ZBTB7C: variants seen among roughly 807,000 people sequenced by gnomAD.
The protein encoded by ZBTB7C is zinc finger and BTB domain-containing protein 7C.
In ZBTB7C, 8 loss-of-function variants were observed where a neutral mutation model predicts 25.7. The ratio of observed to expected loss-of-function variants is 0.31; its 90% CI spans 0.18 to 0.56. The LOEUF is 0.56. Among genes scored for constraint, ZBTB7C ranks in the 20% least tolerant of loss-of-function variants. The pLI is 0.91. For missense variants in ZBTB7C, 824 were observed against 855.2 expected (o/e 0.96, Z 0.46); for synonymous variants, 394 against 369.0 (o/e 1.07, Z -0.78).
rs140877076 is a variant in ZBTB7C, at chr18:48,123,424, G to A, written c.-17+62510C>T. On this transcript the variant is annotated intron_variant, in intron 3 of 4. Transcript: ENST00000590800. ...CCCAAAGTCACGCCTTCCAAGAACC[G>A]CACATTCAGCGACTATGCAGGGCGT... Among the ~76,000 whole-genome samples, 37 of 152,328 alleles carry A rather than the reference G, an allele frequency of 2.4e-4. No individual in the cohort carries two copies. The East Asian group carries it at 5.6e-3, about 23-fold the overall frequency.
At chr18:48,264,345 GAAAC>G (rs1469437866) in intron 2 of ZBTB7C, among the ~76,000 whole-genome samples, 1 of 152,064 alleles carries the variant, frequency 6.6e-6, no homozygotes, top group African/African-American at 2.4e-5. Flanking sequence ...AAATCAGAGA[GAAAC>G]AAAGAAAGGA....
intron 3 of ZBTB7C, among the ~76,000 whole-genome samples, chr18:48,115,552 TACAC>T (rs1011375874): frequency 1.3e-5 from 2 of 151,802 alleles, no homozygotes; most frequent in South Asian, 2.1e-4. Flanking sequence ...GAGTGACCTT[TACAC>T]ACACACACAC....
chr18:48,309,853 A>G (rs1021477266), intron 2 of ZBTB7C, among the ~76,000 whole-genome samples: 2 of 152,230 alleles, frequency 1.3e-5, no homozygotes, highest in African/African-American at 4.8e-5. Context: ...TTTCTCCCCT[A>G]GGAAATGGTA....
chr18:48,360,748 G>T (rs1012975341), intron 1 of ZBTB7C, among the ~76,000 whole-genome samples: 1 of 152,116 alleles, frequency 6.6e-6, no homozygotes, highest in Non-Finnish European at 1.5e-5. Context: ...GGAAGGAAGA[G>T]TGTGGAGGAG....
At chr18:48,196,437 G>A (rs2042319429) in intron 2 of ZBTB7C, among the ~76,000 whole-genome samples, 1 of 152,170 alleles carries the variant, frequency 6.6e-6, no homozygotes, top group Non-Finnish European at 1.5e-5. Flanking sequence ...TCTTACAGAG[G>A]TGAGTTTCTA....
chr18:48,040,558 T>C lies in ZBTB7C; in HGVS notation c.550A>G (p.Ser184Gly). The C allele has an allele frequency of 6.2e-7, 1 of 1,614,064 alleles. No homozygotes were observed. Among genetic ancestry groups the C allele is most frequent in the Non-Finnish European group, 8.5e-7 (1 of 1,179,984 alleles). The stretch of plus-strand genomic sequence containing the variant: ...GTCTTGGAAGGGCTTTGGTGGCAGC[T>C]GATGTCCTGGGGGTCAGGCAAGTTT... ...QENLPDPQDI[S>G]CHQSPSKTDH... The change falls in exon 4 of 5, where the codon AGC (serine) becomes GGC (glycine). Residue 184 changes from serine (S) to glycine (G), a missense_variant. Transcript: ENST00000590800.
intron 1 of ZBTB7C, among the ~76,000 whole-genome samples, chr18:48,389,385 A>AT (rs1386841815): frequency 7.2e-6 from 1 of 139,208 alleles, no homozygotes; most frequent in Non-Finnish European, 1.6e-5. Context: ...AAAAAAAAAA[A>AT]GTGGATTCAA....
At chr18:48,167,605 T>TGTGTGC (rs199586468) in intron 3 of ZBTB7C, among the ~76,000 whole-genome samples, 8 of 149,748 alleles carry the variant, frequency 5.3e-5, no homozygotes, top group African/African-American at 1.7e-4. Context: ...TGTGCGCGCG[T>TGTGTGC]GCACACGCGC....
intron 3 of ZBTB7C, chr18:48,077,092 C>G (rs1172676411): frequency 1.4e-6 from 1 of 740,494 alleles, no homozygotes; most frequent in African/African-American, 1.9e-5. Flanking sequence ...ATTTCCTCCT[C>G]TATGATTTTT....
intron 1 of ZBTB7C, among the ~76,000 whole-genome samples, chr18:48,340,249 G>A (rs2046566100): frequency 6.6e-6 from 1 of 152,160 alleles, no homozygotes; most frequent in Admixed American, 6.5e-5. Flanking sequence ...ACCTCCTTCT[G>A]GAACAAGTAA....
intron 1 of ZBTB7C, among the ~76,000 whole-genome samples, chr18:48,379,232 T>G (rs117633329): frequency 1.3e-5 from 2 of 152,326 alleles, no homozygotes; most frequent in Non-Finnish European, 2.9e-5. Context: ...TCTATTCTTT[T>G]GCTAATACCA....
rs566055990 is a variant in ZBTB7C at position 48,187,490 on chromosome 18, A to G, written c.-78-1495T>C. The stretch of plus-strand genomic sequence containing the variant: ...AATACTGTATGATTCCACTTATATG[A>G]GGTACCTAGAGAAGTCAAATCCATA... On this transcript the variant is annotated intron_variant, in intron 2 of 4. Transcript: ENST00000590800. Among the ~76,000 whole-genome samples the G allele has an allele frequency of 1.4e-4, 21 of 152,280 alleles. No homozygotes were observed. In the South Asian group the frequency reaches 1.9e-3, roughly 14 times the overall value.
chr18:48,244,821 C>T (rs2043628759), intron 2 of ZBTB7C, among the ~76,000 whole-genome samples: 1 of 151,938 alleles, frequency 6.6e-6, no homozygotes, highest in Non-Finnish European at 1.5e-5. Flanking sequence ...TGAAAAGGAA[C>T]ATCTTTACAC....
intron 2 of ZBTB7C, among the ~76,000 whole-genome samples, chr18:48,334,926 C>T (rs1397055688): frequency 6.6e-6 from 1 of 152,188 alleles, no homozygotes; most frequent in African/African-American, 2.4e-5. Flanking sequence ...GCAACCCTCA[C>T]TCCACTGGAG....
chr18:48,248,081 G>A (rs573432220), intron 2 of ZBTB7C, among the ~76,000 whole-genome samples: 38 of 152,168 alleles, frequency 2.5e-4, no homozygotes, highest in Non-Finnish European at 4.6e-4. Context: ...CATGTAAGAC[G>A]TTGACTTTGC....
chr18:48,129,351 C>CAA (rs11287872), intron 3 of ZBTB7C, among the ~76,000 whole-genome samples: 95 of 74,248 alleles, frequency 1.3e-3, no homozygotes, highest in African/African-American at 2.3e-3. Context: ...AGAGAAAGTC[C>CAA]AAAAAAAAAA....
chr18:48,390,334 C>G (rs1260970635), intron 1 of ZBTB7C, among the ~76,000 whole-genome samples: 1 of 152,174 alleles, frequency 6.6e-6, no homozygotes, highest in East Asian at 1.9e-4. Flanking sequence ...TTTTGATCAT[C>G]TTTCCAAAGT....
At chr18:48,406,226 G>T (rs964730198) in intron 1 of ZBTB7C, among the ~76,000 whole-genome samples, 1 of 152,034 alleles carries the variant, frequency 6.6e-6, no homozygotes, top group African/African-American at 2.4e-5. Context: ...GCCCACCCTC[G>T]GTGGGGGCAG....
chr18:48,245,181 G>T (rs1475868392), intron 2 of ZBTB7C, among the ~76,000 whole-genome samples: 4 of 150,914 alleles, frequency 2.7e-5, no homozygotes, highest in Non-Finnish European at 5.9e-5. Context: ...CAGCAACCTG[G>T]ATGGAGCTGG....
Sources: gnomAD v4.1 joint callset for allele counts (sites outside exome capture counted in the v4.1 genomes callset) on GRCh38, gnomAD v4.1.1 for gene constraint, MANE v1.5 for transcripts, NCBI Gene and HGNC (gene_info 2026-07-23, HGNC 2026-07-21) for gene names.